CDCP1: variants seen among roughly 807,000 people sequenced by gnomAD.
The protein encoded by CDCP1 is CUB domain-containing protein 1.
A neutral mutation model predicts 60.2 loss-of-function variants in CDCP1; 29 were observed. The observed-to-expected ratio is 0.48, with a 90% confidence interval of 0.36 to 0.66. The LOEUF (loss-of-function observed/expected upper bound fraction) is 0.66. Among genes scored for constraint, CDCP1 ranks in the 30% least tolerant of loss-of-function variants. The pLI, the probability that CDCP1 is intolerant of heterozygous loss-of-function variation, is 0.00. For synonymous variants in CDCP1, 387 were observed against 431.1 expected, an observed-to-expected ratio of 0.90 and a Z score of 1.27; for missense variants, 876 against 1,074.3, an observed-to-expected ratio of 0.82 and a Z score of 2.58.
In CDCP1 at chr3:45,093,417, C is replaced by T; in HGVS notation, c.1487G>A (p.Gly496Asp). ...SAIPSQDLYF[G>D]SFCPGGSIKQ... is the part of the protein sequence containing the mutation. ...GATAGAGCCTCCCGGGCAGAAGGAG[C>T]CGAAGTACAGGTCCTGGCTGGGTAT... The change falls in exon 6 of 9, where the codon GGC becomes GAC. Residue 496 changes from glycine to aspartate, a missense_variant. Coordinates refer to ENST00000296129, the MANE Select transcript of CDCP1 (RefSeq NM_022842.5). 6.2e-7 allele frequency: 1 copy of T among 1,614,108 alleles called. No individual in the cohort carries two copies. Among genetic ancestry groups the T allele is most frequent in the Admixed American group, 1.7e-5 (1 of 60,020 alleles).
intron 2 of CDCP1, among the ~76,000 whole-genome samples, chr3:45,115,954 C>G (rs1297507859): frequency 6.6e-6 from 1 of 152,118 alleles, no homozygotes; most frequent in Non-Finnish European, 1.5e-5. Context: ...TGTCTTTCAA[C>G]AGAATTTTAT....
At chr3:45,140,938 C>T (rs982058366) in intron 1 of CDCP1, among the ~76,000 whole-genome samples, 16 of 152,314 alleles carry the variant, frequency 1.1e-4, no homozygotes, top group East Asian at 5.8e-4. Flanking sequence ...TGGTGGCTCA[C>T]GCCTATAATT....
In CDCP1 at chr3:45,146,217, G is replaced by A. The variant is rs529416242; in HGVS notation, c.71C>T (p.Pro24Leu). ...AGCCCGGCACTCACCTGCCCCGCGC[G>A]GCAGGCGCGCCGCACCCAGCAGCAG... ...GVLLLGAARL[P>L]RGAEAFEIAL... is the part of the protein sequence containing the mutation. The change falls in exon 1 of 9, where the codon CCG (proline) becomes CTG (leucine). Residue 24 changes from proline to leucine, a missense_variant. Transcript: ENST00000296129. 1 of 1,595,180 alleles carries A rather than the reference G, an allele frequency of 6.3e-7. No homozygotes were observed. Among genetic ancestry groups the A allele is most frequent in the Admixed American group, 1.7e-5 (1 of 58,612 alleles).
intron 1 of CDCP1, among the ~76,000 whole-genome samples, chr3:45,145,457 C>T (rs558532620): frequency 6.6e-6 from 1 of 152,314 alleles, no homozygotes; most frequent in African/African-American, 2.4e-5. Flanking sequence ...GTCCCTTCCC[C>T]CAACCGAAAC....
chr3:45,143,322 G>A (rs752680114), intron 1 of CDCP1, among the ~76,000 whole-genome samples: 10 of 152,158 alleles, frequency 6.6e-5, no homozygotes, highest in Non-Finnish European at 1.2e-4. Flanking sequence ...GAGGATAATG[G>A]TTCATCCTTT....
At chr3:45,099,128 T>C (rs1387866052) in intron 4 of CDCP1, among the ~76,000 whole-genome samples, 1 of 151,692 alleles carries the variant, frequency 6.6e-6, no homozygotes, top group Middle Eastern at 3.2e-3. Context: ...TCTTTTCTTT[T>C]TTTTTTTTTT....
In CDCP1 at chr3:45,118,434, G is replaced by T; in HGVS notation, c.270C>A (p.Val90=). 6.2e-7 allele frequency: 1 copy of T among 1,613,836 alleles called. No individual in the cohort carries two copies. Among genetic ancestry groups the T allele is most frequent in the South Asian group, 1.1e-5 (1 of 91,014 alleles). Reference sequence around the variant, plus strand: ...TACCAATATTTTTCTGGATCTCTATGACAAAGTGATTCTCAGGACTCTGGC... The same window carrying T: ...TACCAATATTTTTCTGGATCTCTATTACAAAGTGATTCTCAGGACTCTGGC... ...FSCQSPENHF[V]IEIQKNIDCM... The change falls in exon 2 of 9, where the codon GTC becomes GTA. Residue 90 remains valine (V), a synonymous_variant. Coordinates refer to ENST00000296129, the MANE Select transcript of CDCP1 (RefSeq NM_022842.5).
chr3:45,100,032 T>C (rs1698464014), intron 4 of CDCP1, among the ~76,000 whole-genome samples: 1 of 152,226 alleles, frequency 6.6e-6, no homozygotes, highest in African/African-American at 2.4e-5. Flanking sequence ...ACTGCTCTTA[T>C]TTAAAGTGAG....
intron 1 of CDCP1, among the ~76,000 whole-genome samples, chr3:45,120,014 G>C (rs141381834): frequency 2.1e-4 from 32 of 152,306 alleles, no homozygotes; most frequent in African/African-American, 7.0e-4. Flanking sequence ...TGGGTCAGTA[G>C]TTTCCTCCTT....
At chr3:45,130,974 C>G (rs148811967) in intron 1 of CDCP1, among the ~76,000 whole-genome samples, 3 of 152,236 alleles carry the variant, frequency 2.0e-5, no homozygotes, top group Non-Finnish European at 4.4e-5. Context: ...TCACGCAATC[C>G]GCCCACCTCA....
At chr3:45,133,343 C>T (rs956111472) in intron 1 of CDCP1, among the ~76,000 whole-genome samples, 12 of 151,352 alleles carry the variant, frequency 7.9e-5, no homozygotes, top group Admixed American at 4.6e-4. Context: ...TCTGGACTTC[C>T]GACCTACAGA....
At chr3:45,127,263 T>G (rs1699016880) in intron 1 of CDCP1, among the ~76,000 whole-genome samples, 1 of 152,188 alleles carries the variant, frequency 6.6e-6, no homozygotes, top group Non-Finnish European at 1.5e-5. Flanking sequence ...TGGGGCGTGG[T>G]TGTTCTTTTG....
chr3:45,097,697 T>C (rs954273622), intron 4 of CDCP1, among the ~76,000 whole-genome samples: 1 of 152,108 alleles, frequency 6.6e-6, no homozygotes, highest in Non-Finnish European at 1.5e-5. Flanking sequence ...AACCATATAA[T>C]TGATGGACTC....
intron 8 of CDCP1, 73 bp downstream of exon 8, chr3:45,088,981 T>C (rs750164853): frequency 5.0e-6 from 6 of 1,207,372 alleles, no homozygotes; most frequent in Non-Finnish European, 7.3e-6. Context: ...AAGTCAATAA[T>C]GAACAATCCA....
intron 1 of CDCP1, among the ~76,000 whole-genome samples, chr3:45,123,925 C>T (rs1698929495): frequency 6.6e-6 from 1 of 152,170 alleles, no homozygotes; most frequent in Non-Finnish European, 1.5e-5. Context: ...AGTGCATGGG[C>T]TCCTGGGCTT....
intron 1 of CDCP1, among the ~76,000 whole-genome samples, chr3:45,138,406 C>G (rs1699225648): frequency 6.6e-6 from 1 of 152,194 alleles, no homozygotes; most frequent in Admixed American, 6.5e-5. Flanking sequence ...GTTATACAGA[C>G]TATGATAGCC....
At chr3:45,133,201 C>A (rs552969884) in intron 1 of CDCP1, among the ~76,000 whole-genome samples, 7 of 152,198 alleles carry the variant, frequency 4.6e-5, no homozygotes, top group East Asian at 2.0e-4. Context: ...CCTGCAGCCA[C>A]AAGAACTGGA....
rs1472471304 is a variant in CDCP1 at position 45,112,408 on chromosome 3, C to A, written c.330G>T (p.Gln110His). 1.9e-6 allele frequency: 3 copies of A among 1,614,068 alleles called. No individual in the cohort carries two copies. In the South Asian group the frequency reaches 3.3e-5, roughly 18 times the overall value. ...MSGPCPFGEV[Q>H]LQPSTSLLPT... ...GCAACAACGATGTCGAGGGCTGAAG[C>A]TGAACCTCCCCAAAAGGACATGGGC... is the stretch of plus-strand genomic sequence containing the variant. The change falls in exon 3 of 9, where the codon CAG becomes CAT. Residue 110 changes from glutamine (Q) to histidine (H), a missense_variant. Gln to His is a conservative substitution (Grantham distance 24, BLOSUM62 0). Around this residue, in one of 2 missense-constraint regions of CDCP1, gnomAD observed 150 missense variants for 138.6 expected, o/e 1.08. Coordinates refer to ENST00000296129, the MANE Select transcript of CDCP1 (RefSeq NM_022842.5).
intron 1 of CDCP1, among the ~76,000 whole-genome samples, chr3:45,137,904 C>T (rs1699216991): frequency 6.6e-6 from 1 of 152,078 alleles, no homozygotes; most frequent in Admixed American, 6.6e-5. Flanking sequence ...TCAGAAACTT[C>T]CAAGCCAGTT....
Sources: gnomAD v4.1 joint callset for allele counts (sites outside exome capture counted in the v4.1 genomes callset) on GRCh38, gnomAD v4.1.1 for gene constraint, gnomAD v4.1.1 regional missense constraint, MANE v1.5 for transcripts, NCBI Gene and HGNC (gene_info 2026-07-23, HGNC 2026-07-21) for gene names.